Variants in MYO1C observed in about 807,000 individuals in gnomAD.
The protein encoded by MYO1C is unconventional myosin-Ic.
A neutral mutation model predicts 150.8 loss-of-function variants in MYO1C; 104 were observed. That is an observed-to-expected ratio of 0.69 (90% CI 0.59 to 0.81). The LOEUF (loss-of-function observed/expected upper bound fraction) is 0.81. Among genes scored for constraint, MYO1C ranks in the 30% least tolerant of loss-of-function variants. The pLI is 0.00. For missense variants in MYO1C, 1,504 were observed against 1,435.0 expected (o/e 1.05, Z -0.78); for synonymous variants, 663 against 579.9 (o/e 1.14, Z -2.06).
At chr17:1,480,388 C>A (rs983731168) in intron 7 of MYO1C, 139 bp downstream of exon 7, 2 of 756,226 alleles carry the variant, frequency 2.6e-6, no homozygotes, top group Non-Finnish European at 4.6e-6. Flanking sequence ...GCGGAGGTTG[C>A]AGTGAGCTGA....
rs549583647 is a variant in MYO1C at position 1,473,367 on chromosome 17, G to A, written c.1798-1139C>T. Among the ~76,000 whole-genome samples the A allele has an allele frequency of 7.9e-5, 12 of 152,208 alleles. No individual in the cohort carries two copies. The South Asian group carries it at 2.1e-3, about 26-fold the overall frequency. On this transcript the variant is annotated intron_variant, in intron 17 of 31. Transcript: ENST00000648651. ...CCTAGGGGAAGAGGATGAGATACACGAGTCTGTGGCTTGCTGGAGAGGCCT... is the reference window on the plus strand; with the variant it reads ...CCTAGGGGAAGAGGATGAGATACACAAGTCTGTGGCTTGCTGGAGAGGCCT...
intron 25 of MYO1C, 153 bp downstream of exon 25, chr17:1,469,378 C>A (rs79563127): frequency 8.6e-5 from 51 of 593,212 alleles, no homozygotes; most frequent in Non-Finnish European, 1.5e-4. Context: ...ATAGAGTAGA[C>A]CAGGGTAAAT....
At chr17:1,477,433 A>G in intron 14 of MYO1C, 72 bp downstream of exon 14, 1 of 1,383,488 alleles carries the variant, frequency 7.2e-7, no homozygotes. Context: ...GTGATGGCGG[A>G]GGGACTCCTG....
At chr17:1,488,157 C>A (rs1469232345) in intron 1 of MYO1C, among the ~76,000 whole-genome samples, 1 of 152,178 alleles carries the variant, frequency 6.6e-6, no homozygotes, top group Non-Finnish European at 1.5e-5. Flanking sequence ...AGTGTCCGCC[C>A]CGCCCCTCCA....
chr17:1,476,178 A>C (rs1212240718), intron 14 of MYO1C, among the ~76,000 whole-genome samples: 6 of 151,940 alleles, frequency 3.9e-5, no homozygotes, highest in Non-Finnish European at 5.9e-5. Context: ...TCCTAGAAAC[A>C]AGTCTTTTTT....
chr17:1,491,815 C>T (rs2074738634), intron 1 of MYO1C: 2 of 281,714 alleles, frequency 7.1e-6, no homozygotes, highest in South Asian at 1.3e-4. Flanking sequence ...GCCCCCGCCT[C>T]GGCCCGTTCC....
intron 22 of MYO1C, 40 bp downstream of exon 22, chr17:1,470,581 C>G: frequency 6.3e-7 from 1 of 1,594,416 alleles, no homozygotes; most frequent in Non-Finnish European, 8.5e-7. Flanking sequence ...CCCCCTGGCC[C>G]CAGACCCCGC....
intron 21 of MYO1C, 93 bp from the exon 22 acceptor site, chr17:1,470,782 G>C (rs746252056): frequency 2.2e-6 from 3 of 1,354,594 alleles, no homozygotes; most frequent in South Asian, 2.4e-5. Flanking sequence ...ATGAATGGGA[G>C]AGTGGCTGAA....
intron 17 of MYO1C, among the ~76,000 whole-genome samples, chr17:1,472,516 C>G (rs893771490): frequency 2.0e-5 from 3 of 152,236 alleles, no homozygotes; most frequent in Non-Finnish European, 4.4e-5. Flanking sequence ...AGTGGCCCTT[C>G]TTTTTCTTTC....
intron 1 of MYO1C, among the ~76,000 whole-genome samples, chr17:1,489,616 G>C (rs1221416885): frequency 6.6e-6 from 1 of 152,236 alleles, no homozygotes; most frequent in Non-Finnish European, 1.5e-5. Flanking sequence ...AGAGGTTGAG[G>C]CTGCAGTGAG....
At chr17:1,484,458 T>C in intron 1 of MYO1C, 155 bp from the exon 2 acceptor site, 1 of 459,012 alleles carries the variant, frequency 2.2e-6, no homozygotes, top group Non-Finnish European at 3.5e-6. Context: ...GCCTGGGTGC[T>C]GAGGGCCTGG....
At chr17:1,481,159 C>G (rs867683427) in intron 5 of MYO1C, 3 of 483,678 alleles carry the variant, frequency 6.2e-6, no homozygotes, top group Non-Finnish European at 3.8e-6. Context: ...AACACCGGAC[C>G]TTCTCCCTCT....
At chr17:1,466,494 C>A (rs2074174072) in intron 31 of MYO1C, among the ~76,000 whole-genome samples, 1 of 152,112 alleles carries the variant, frequency 6.6e-6, no homozygotes, top group Non-Finnish European at 1.5e-5. Context: ...CCACACTCGG[C>A]TAATTTTGTA....
chr17:1,480,142 C>G (rs2074487707), intron 7 of MYO1C, among the ~76,000 whole-genome samples: 1 of 59,906 alleles, frequency 1.7e-5, no homozygotes, highest in Non-Finnish European at 2.8e-5. Context: ...GAGACTCCAT[C>G]TCAAAAAAAA....
At chr17:1,482,382 T>C (rs896741172) in intron 5 of MYO1C, 96 bp downstream of exon 5, 27 of 1,119,662 alleles carry the variant, frequency 2.4e-5, no homozygotes, top group African/African-American at 7.7e-5. Context: ...ACTGCTGGAA[T>C]TGCAGCACCT....
Position 1,478,560 on chromosome 17 carries a change from C to A in MYO1C, c.1212+56G>T, listed in dbSNP as rs897269963. 72 of 1,613,742 alleles carry A rather than the reference C, an allele frequency of 4.5e-5. No homozygotes were observed. The highest frequency in any genetic ancestry group is 6.0e-5 in the Non-Finnish European group (71 of 1,179,932). ...GCCAGCCCCACCCTGCAGCACCCCC[C>A]GCCTCGCCGACGGCCCTCCCTTCTG... On this transcript the variant is annotated intron_variant, in intron 10 of 31. Transcript: ENST00000648651. This position sits in a 1 kb window ranked among gnomAD's most constrained non-coding sequence, Gnocchi z 6.3.
intron 25 of MYO1C, chr17:1,469,173 C>A (rs1031781941): frequency 8.2e-6 from 3 of 368,028 alleles, no homozygotes; most frequent in African/African-American, 6.3e-5. Flanking sequence ...ACAGAGTAGA[C>A]CGGGGTAAAT....
chr17:1,486,657 A>G (rs918107823), intron 1 of MYO1C, among the ~76,000 whole-genome samples: 10 of 152,138 alleles, frequency 6.6e-5, no homozygotes, highest in Non-Finnish European at 1.0e-4. Flanking sequence ...CTGGGATTAC[A>G]GGCGTGCGCC....
rs1331056441 is a variant in MYO1C, at chr17:1,482,930, C to T, written c.477G>A (p.Glu159=). Residue 159 remains glutamate, a synonymous_variant, in exon 4 of 32, where the codon GAG becomes GAA. Transcript: ENST00000648651. Reference sequence around the variant, plus strand: ...CTCCGCGCTCGGGGGCTGGGCAGGTCTCTGCATAGAACTGCAGCAGCCTCT... The same window carrying T: ...CTCCGCGCTCGGGGGCTGGGCAGGTTTCTGCATAGAACTGCAGCAGCCTCT... ...ATKRLLQFYA[E]TCPAPERGGA... 2 of 1,583,634 alleles carry T rather than the reference C, an allele frequency of 1.3e-6. No individual in the cohort carries two copies. The highest frequency in any genetic ancestry group is 1.7e-6 in the Non-Finnish European group (2 of 1,163,196).
Sources: allele counts gnomAD v4.1 joint callset (sites outside exome capture counted in the v4.1 genomes callset), GRCh38; gene constraint gnomAD v4.1.1; non-coding constraint Gnocchi (gnomAD v3.1); transcripts MANE v1.5; gene names NCBI Gene and HGNC (gene_info 2026-07-23, HGNC 2026-07-21).